APLF: variants seen among roughly 807,000 people sequenced by gnomAD.
APLF encodes the protein aprataxin and PNKP like factor.
Under a neutral mutation model 55.6 loss-of-function variants are expected in APLF, and 61 were observed. That is an observed-to-expected ratio of 1.10 (90% CI 0.89 to 1.36). The LOEUF (loss-of-function observed/expected upper bound fraction) is 1.36, where lower values mean the gene tolerates loss of function less well. Among genes scored for constraint, APLF ranks in the 40% most tolerant of loss-of-function variants. APLF has a pLI of 0.00. For missense variants in APLF, 611 were observed against 602.5 expected, an observed-to-expected ratio of 1.01 and a Z score of -0.15; for synonymous variants, 207 against 214.8, an observed-to-expected ratio of 0.96 and a Z score of 0.32.
At chr2:68,479,746 G>A (rs1675891900) in intron 1 of APLF, among the ~76,000 whole-genome samples, 1 of 152,106 alleles carries the variant, frequency 6.6e-6, no homozygotes. Context: ...AGTTAGGCAA[G>A]TTATCATGTA....
chr2:68,477,787 C>T (rs1487712194), intron 1 of APLF, among the ~76,000 whole-genome samples: 2 of 152,174 alleles, frequency 1.3e-5, no homozygotes, highest in African/African-American at 4.8e-5. Context: ...AGTCAAACGT[C>T]TTACATGGCA....
chr2:68,524,858 A>G (rs1490460095), intron 5 of APLF, among the ~76,000 whole-genome samples: 3 of 152,192 alleles, frequency 2.0e-5, no homozygotes, highest in Admixed American at 6.5e-5. Flanking sequence ...GAGAAGGACA[A>G]TTTGCCATGG....
chr2:68,490,090 C>A, intron 1 of APLF, 100 bp from the exon 2 acceptor site: 1 of 674,856 alleles, frequency 1.5e-6, no homozygotes, highest in Non-Finnish European at 2.4e-6. Context: ...ATCTAGTCTA[C>A]TGATTTCAGA....
rs1342014204 is a variant in APLF, at chr2:68,545,306, G to C, written c.1280G>C (p.Cys427Ser). 2 of 1,612,550 alleles carry C rather than the reference G, an allele frequency of 1.2e-6. No homozygotes were observed. The highest frequency in any genetic ancestry group is 2.7e-5 in the African/African-American group (2 of 74,854). ...DRPECPYGPS[C>S]YRKNPQHKIE... ...CCTGAATGTCCCTATGGACCATCCT[G>C]TTATAGGTATAGAAACTGAATGTTT... is the stretch of plus-strand genomic sequence containing the variant. The change falls in exon 8 of 10, where the codon TGT becomes TCT. Residue 427 changes from cysteine (C) to serine (S), a missense_variant. Transcript: ENST00000303795.
At chr2:68,518,374 G>T (rs1669721367) in intron 5 of APLF, among the ~76,000 whole-genome samples, 2 of 99,562 alleles carry the variant, frequency 2.0e-5, no homozygotes, top group African/African-American at 4.9e-5. Flanking sequence ...ATTAATATAT[G>T]ACTGTATTAT....
At chr2:68,569,203 C>T (rs989227154) in intron 9 of APLF, among the ~76,000 whole-genome samples, 3 of 152,052 alleles carry the variant, frequency 2.0e-5, no homozygotes, top group Admixed American at 1.3e-4. Flanking sequence ...TGAGAGCCGG[C>T]TCGTAATTGT....
rs1391955248 is a variant in APLF, at chr2:68,519,418, T to G, written c.622+5738T>G. Among the ~76,000 whole-genome samples, 5 of 149,402 alleles carry G rather than the reference T, an allele frequency of 3.3e-5. No homozygotes were observed. The Admixed American group carries it at 3.4e-4, about 10-fold the overall frequency. ...TGAAATGAAATACATGTTGAACTAT[T>G]ATAAGCAGTAGCAAAGAAGCAGTTG... On this transcript the variant is annotated intron_variant, in intron 5 of 9. Transcript: ENST00000303795.
At chr2:68,543,644 T>G (rs1248323989) in intron 7 of APLF, among the ~76,000 whole-genome samples, 1 of 152,196 alleles carries the variant, frequency 6.6e-6, no homozygotes, top group Non-Finnish European at 1.5e-5. Flanking sequence ...ACGAGAATGC[T>G]CATTGCAGTA....
intron 5 of APLF, among the ~76,000 whole-genome samples, chr2:68,519,093 A>G (rs887529332): frequency 8.0e-6 from 1 of 124,344 alleles, no homozygotes; most frequent in East Asian, 2.1e-4. Context: ...TATAATTAAT[A>G]TATAATAATA....
intron 1 of APLF, among the ~76,000 whole-genome samples, chr2:68,468,289 C>T (rs1411029635): frequency 1.3e-5 from 2 of 152,168 alleles, no homozygotes; most frequent in Non-Finnish European, 2.9e-5. Context: ...GATATTACGT[C>T]TTCTAGGCTA....
At chr2:68,536,142 G>C (rs780476005) in intron 6 of APLF, among the ~76,000 whole-genome samples, 19 of 152,162 alleles carry the variant, frequency 1.2e-4, no homozygotes, top group Non-Finnish European at 2.1e-4. Context: ...GTTGGTCCTG[G>C]AGTTGGGGGG....
Position 68,513,205 on chromosome 2 carries a change from A to G in APLF, c.467A>G (p.Gln156Arg). 6.2e-7 allele frequency: 1 copy of G among 1,608,630 alleles called. No individual in the cohort carries two copies. The highest frequency in any genetic ancestry group is 8.5e-7 in the Non-Finnish European group (1 of 1,177,636). ...GGAAGCACAGAAATAGCCAAGACCC[A>G]GATGACTCCCACAAATAGTGTGGTG... ...LEGSTEIAKT[Q>R]MTPTNSVSFL... The change falls in exon 4 of 10, where the codon CAG becomes CGG. Residue 156 changes from glutamine (Q) to arginine (R), a missense_variant. Physicochemically the swap from Gln to Arg is conservative, Grantham distance 43. Coordinates refer to ENST00000303795, the MANE Select transcript of APLF (RefSeq NM_173545.3).
intron 9 of APLF, among the ~76,000 whole-genome samples, chr2:68,570,000 G>A (rs1309758111): frequency 6.6e-6 from 1 of 151,974 alleles, no homozygotes; most frequent in East Asian, 1.9e-4. Flanking sequence ...TTAATATAGT[G>A]CCAACATTAA....
At chr2:68,569,731 G>T (rs914736396) in intron 9 of APLF, among the ~76,000 whole-genome samples, 1 of 152,098 alleles carries the variant, frequency 6.6e-6, no homozygotes, top group African/African-American at 2.4e-5. Context: ...AACATGGAGA[G>T]GTTGGATTGG....
chr2:68,519,289 A>G (rs997136558), intron 5 of APLF, among the ~76,000 whole-genome samples: 14 of 143,812 alleles, frequency 9.7e-5, no homozygotes, highest in Non-Finnish European at 2.0e-4. Flanking sequence ...TATATTGTAT[A>G]TATAAAATGT....
chr2:68,552,917 A>G (rs1392731618), intron 8 of APLF, among the ~76,000 whole-genome samples: 1 of 151,940 alleles, frequency 6.6e-6, no homozygotes, highest in African/African-American at 2.4e-5. Context: ...AAAAACTTAC[A>G]TTTTTTTCTC....
intron 6 of APLF, chr2:68,535,347 C>T: frequency 2.4e-6 from 1 of 425,234 alleles, no homozygotes; most frequent in African/African-American, 2.1e-5. Context: ...CCTCCATTTG[C>T]CTCATCCTTC....
chr2:68,486,722 C>T (rs1308828474), intron 1 of APLF, among the ~76,000 whole-genome samples: 1 of 152,070 alleles, frequency 6.6e-6, no homozygotes, highest in Non-Finnish European at 1.5e-5. Context: ...TTGTTGATTT[C>T]TTTGAAGAAT....
At chr2:68,565,508 C>CAGACAGATAGAT (rs1671279642) in intron 8 of APLF, among the ~76,000 whole-genome samples, 1 of 146,358 alleles carries the variant, frequency 6.8e-6, no homozygotes, top group African/African-American at 2.5e-5. Flanking sequence ...GACAGATAGA[C>CAGACAGATAGAT]AGATAGATAC....
Sources: allele counts gnomAD v4.1 joint callset (sites outside exome capture counted in the v4.1 genomes callset), GRCh38; gene constraint gnomAD v4.1.1; transcripts MANE v1.5; gene names NCBI Gene and HGNC (gene_info 2026-07-23, HGNC 2026-07-21).